Variants in RIF1 observed in about 807,000 individuals in gnomAD.
RIF1 encodes the protein telomere-associated protein RIF1.
Under a neutral mutation model 247.1 loss-of-function variants are expected in RIF1, and 45 were observed. The ratio of observed to expected loss-of-function variants is 0.18; its 90% confidence interval spans 0.14 to 0.23. The LOEUF is 0.23. Ranked by LOEUF, RIF1 falls within the 10% of genes least tolerant of loss-of-function variation. The probability of loss-of-function intolerance (pLI) is 1.00; values close to 1 mark genes in which losing one functional copy is unlikely to be tolerated. For synonymous variants in RIF1, 1,087 were observed against 978.8 expected (o/e 1.11, Z -2.06); for missense variants, 2,967 against 2,862.5 (o/e 1.04, Z -0.83).
At chr2:151,518,807 G>A in the RIF1 span, among the ~76,000 whole-genome samples, 1 of 152,176 alleles carries the variant, frequency 6.6e-6, no homozygotes, top group African/African-American at 2.4e-5. Flanking sequence ...AGAATTGGTA[G>A]ATTAATGTTG....
chr2:151,492,334 T>C, intron 9 of RIF1: 1 of 1,589,742 alleles, frequency 6.3e-7, no homozygotes, highest in Non-Finnish European at 8.6e-7. Flanking sequence ...ACTATATCCC[T>C]TTTTACACAT....
At chr2:151,490,675 T>A (rs981837680) in intron 9 of RIF1, among the ~76,000 whole-genome samples, 1 of 152,202 alleles carries the variant, frequency 6.6e-6, no homozygotes, top group Non-Finnish European at 1.5e-5. Flanking sequence ...TGATGTAGGT[T>A]TGTCTTTCTT....
chr2:151,503,487 A>G (rs1327292288), intron 12 of RIF1: 4 of 1,305,278 alleles, frequency 3.1e-6, no homozygotes, highest in Non-Finnish European at 4.4e-6. Flanking sequence ...ATGACCGTAA[A>G]TCCTTTAGAT....
At position 151,478,662 on chromosome 2, in the gene RIF1, ATTTT is replaced by A. The variant is rs910871210; in HGVS notation, c.*3595_*3598del. 1 of 152,092 alleles carries A rather than the reference ATTTT, an allele frequency of 6.6e-6. No individual in the cohort carries two copies. The highest frequency in any genetic ancestry group is 1.5e-5 in the Non-Finnish European group (1 of 68,012). 9.4% of individuals were successfully genotyped at this position (152,092 alleles called of 1,614,324 possible). On this transcript the variant is annotated 3_prime_UTR_variant, in exon 36 of 36. Coordinates refer to ENST00000444746, the MANE Select transcript of RIF1 (RefSeq NM_018151.5). ...ATCGTGAATATATAAGTGAAGTTTT[ATTTT>A]TTTAAGGTGTAAAGGAGTGAGAATA...
rs777161853 is a variant in RIF1 at position 151,468,670 on chromosome 2, A to G, written c.6855A>G (p.Pro2285=). ...LISEMAKESI[P]CPTESVYPPL... ...CAGAAATGGCCAAAGAATCCATACC[A>G]TGCCCAACAGAAAGTGTTTACCCAC... Residue 2285 remains proline, a synonymous_variant, in exon 33 of 36, where the codon CCA becomes CCG. Transcript: ENST00000444746. 2.5e-6 allele frequency: 4 copies of G among 1,614,040 alleles called. No individual in the cohort carries two copies. Among genetic ancestry groups the G allele is most frequent in the Non-Finnish European group, 3.4e-6 (4 of 1,179,892 alleles).
Position 151,458,846 on chromosome 2 carries a change from T to C in RIF1, c.2891T>C (p.Leu964Pro), listed in dbSNP as rs747614899. The change falls in exon 25 of 36, where the codon CTC becomes CCC. Residue 964 changes from leucine to proline, a missense_variant. By Grantham distance (98) the Leu-to-Pro change is moderately conservative. This residue lies in a region of RIF1 where 2,028 missense variants were observed against 1,825.6 expected (regional missense o/e 1.11). Coordinates refer to ENST00000444746, the MANE Select transcript of RIF1 (RefSeq NM_018151.5). ...ACACAAGCCAAACAAAAATTTCTGC[T>C]CCTGTTGCCTGGTTTGGAAACTGTT... ...VLTQAKQKFL[L>P]LLPGLETVEM... The C allele has an allele frequency of 6.2e-7, 1 of 1,613,144 alleles. No homozygotes were observed. The highest frequency in any genetic ancestry group is 1.1e-5 in the South Asian group (1 of 90,958).
intron 10 of RIF1, chr2:151,497,699 A>ATGTT (rs2152974684): frequency 6.3e-7 from 1 of 1,579,862 alleles, no homozygotes; most frequent in African/African-American, 1.3e-5. Flanking sequence ...TCCCTTGCCC[A>ATGTT]TGTTTTCTTT....
chr2:151,424,485 C>G (rs1029789694), intron 8 of RIF1, among the ~76,000 whole-genome samples: 1 of 152,154 alleles, frequency 6.6e-6, no homozygotes, highest in African/African-American at 2.4e-5. Flanking sequence ...GTATATAACA[C>G]ATTTTGTTTA....
At chr2:151,514,373 AT>A in the RIF1 span, 1 of 1,613,808 alleles carries the variant, frequency 6.2e-7, no homozygotes, top group Non-Finnish European at 8.5e-7. Context: ...TGTATCTTCC[AT>A]TTCAGTGAGG....
At chr2:151,495,617 G>A (rs531681895) in intron 10 of RIF1, among the ~76,000 whole-genome samples, 6 of 152,214 alleles carry the variant, frequency 3.9e-5, no homozygotes, top group South Asian at 2.1e-4. Flanking sequence ...ACAAGCTTAC[G>A]GGAAATGGTT....
At chr2:151,531,420 A>G in the RIF1 span, among the ~76,000 whole-genome samples, 1 of 145,180 alleles carries the variant, frequency 6.9e-6, no homozygotes, top group East Asian at 2.1e-4. Context: ...GGGCTCAAGC[A>G]ATTGTCACGC....
chr2:151,479,827 G>C lies in RIF1; in HGVS notation c.*4756G>C, dbSNP rs1007509422. On this transcript the variant is annotated 3_prime_UTR_variant, in exon 36 of 36. Coordinates refer to ENST00000444746, the MANE Select transcript of RIF1 (RefSeq NM_018151.5). ...AATGTAGCCGAAAGTTAAGTAATAG[G>C]TTTTAAAAATTTATCAAAATTTATT... The C allele has an allele frequency of 2.0e-5, 3 of 152,066 alleles. No individual in the cohort carries two copies. In the South Asian group the frequency reaches 6.2e-4, roughly 31 times the overall value. The allele number at this position is 152,066 out of a possible 1,614,324, so 9.4% of individuals were successfully genotyped here. A position where few individuals can be genotyped will look rare whatever the true frequency, so the allele number is the denominator to read the frequency against.
intron 34 of RIF1, among the ~76,000 whole-genome samples, chr2:151,472,771 G>C (rs147558671): frequency 0.01 from 1,530 of 152,222 alleles, 33 homozygotes; most frequent in African/African-American, 0.035. Context: ...GATTCGTTTT[G>C]CCAGTATTTT....
rs548487053 is a variant in RIF1 at position 151,490,762 on chromosome 2, A to T, written c.*416-4467A>T. Reference sequence around the variant, plus strand: ...AGTTGTACAGCCAGGTTTCAAATCCAAGAGTCTATTTGTAACATCTCCCCT... The same window carrying T: ...AGTTGTACAGCCAGGTTTCAAATCCTAGAGTCTATTTGTAACATCTCCCCT... On this transcript the variant is annotated intron_variant and NMD_transcript_variant, in intron 9 of 13. Coordinates refer to the RIF1 transcript ENST00000454583. 2.5e-4 allele frequency among the ~76,000 whole-genome samples: 38 copies of T among 152,318 alleles called. No homozygotes were observed. In the Middle Eastern group the frequency reaches 0.01, roughly 41 times the overall value.
At chr2:151,432,188 T>G (rs558738626) in intron 9 of RIF1, among the ~76,000 whole-genome samples, 15 of 152,150 alleles carry the variant, frequency 9.9e-5, no homozygotes, top group Admixed American at 9.2e-4. Flanking sequence ...TTTTGTAGTT[T>G]TAGTAGAGGT....
chr2:151,533,581 A>C, the RIF1 span: 1 of 1,376,980 alleles, frequency 7.3e-7, no homozygotes, highest in South Asian at 1.2e-5. Context: ...CACAAAAGAG[A>C]CTTATGAAGA....
At chr2:151,530,707 C>A in the RIF1 span, 2 of 302,784 alleles carry the variant, frequency 6.6e-6, no homozygotes, top group East Asian at 5.9e-5. Context: ...ACACAATAGC[C>A]CAGCTCCCAG....
chr2:151,460,153 G>C, intron 26 of RIF1, 34 bp downstream of exon 26: 2 of 1,442,570 alleles, frequency 1.4e-6, no homozygotes, highest in East Asian at 2.3e-5. Context: ...AAAATTTTAA[G>C]ATAAAGTATA....
chr2:151,466,322 C>A (rs1240076733), intron 30 of RIF1, among the ~76,000 whole-genome samples: 1 of 152,098 alleles, frequency 6.6e-6, no homozygotes. Flanking sequence ...ATAAGTCTTT[C>A]ATTTTACAAC....
Sources: allele counts gnomAD v4.1 joint callset (sites outside exome capture counted in the v4.1 genomes callset), GRCh38; gene constraint gnomAD v4.1.1; regional missense constraint gnomAD v4.1.1; transcripts MANE v1.5; gene names NCBI Gene and HGNC (gene_info 2026-07-23, HGNC 2026-07-21).